The following KCNH2 variants were observed in gnomAD, a reference collection of about 807,000 sequenced individuals.
KCNH2 encodes the protein voltage-gated inwardly rectifying potassium channel KCNH2.
In KCNH2, 35 loss-of-function variants were observed where a neutral mutation model predicts 95.9. The ratio of observed to expected loss-of-function variants is 0.37; its 90% CI spans 0.28 to 0.48. The LOEUF (loss-of-function observed/expected upper bound fraction) is 0.48, where lower values mean the gene tolerates loss of function less well. Among genes scored for constraint, KCNH2 ranks in the 20% least tolerant of loss-of-function variants. The pLI is 0.99. For missense variants in KCNH2, 1,274 were observed against 1,702.9 expected, an observed-to-expected ratio of 0.75 and a Z score of 4.43; for synonymous variants, 786 against 754.7, an observed-to-expected ratio of 1.04 and a Z score of -0.68.
At chr7:150,968,198 C>T (rs763585483) in intron 2 of KCNH2, among the ~76,000 whole-genome samples, 2 of 152,342 alleles carry the variant, frequency 1.3e-5, no homozygotes, top group Non-Finnish European at 2.9e-5. Flanking sequence ...ACAGGCATGG[C>T]AGTACTTAGT....
chr7:150,966,688 A>C (rs1273241683), intron 2 of KCNH2, among the ~76,000 whole-genome samples: 2 of 152,208 alleles, frequency 1.3e-5, no homozygotes, highest in Non-Finnish European at 2.9e-5. Context: ...CAATTAGGAA[A>C]CATAGTCAAA....
rs960980548 is a variant in KCNH2, at chr7:150,961,226, G to A, written c.308-1490C>T. Among the ~76,000 whole-genome samples, 3 of 152,092 alleles carry A rather than the reference G, an allele frequency of 2.0e-5. No homozygotes were observed. The highest frequency in any genetic ancestry group is 2.4e-5 in the African/African-American group (1 of 41,404). On this transcript the variant is annotated intron_variant, in intron 2 of 14. Coordinates refer to ENST00000262186, the MANE Select transcript of KCNH2 (RefSeq NM_000238.4). The surrounding 1 kb of genome is among the most constrained non-coding windows in gnomAD (Gnocchi z 6.2). ...GACAGGCCATGCTGACAGGGAGGCTGCAGGCATGGGGGAGAGGCAAGGGTG... is the reference window on the plus strand; with the variant it reads ...GACAGGCCATGCTGACAGGGAGGCTACAGGCATGGGGGAGAGGCAAGGGTG...
intron 5 of KCNH2, 41 bp downstream of exon 5, chr7:150,957,250 T>A: frequency 6.7e-7 from 1 of 1,498,884 alleles, no homozygotes; most frequent in Non-Finnish European, 9.1e-7. Context: ...CTCTCCAAGC[T>A]CCTCCAAGGT....
intron 13 of KCNH2, 100 bp downstream of exon 13, chr7:150,947,228 C>T: frequency 8.5e-7 from 1 of 1,177,128 alleles, no homozygotes; most frequent in Non-Finnish European, 1.2e-6. Flanking sequence ...GATCCAGCTG[C>T]TGCACACACA....
In KCNH2 at chr7:150,954,724, C is replaced by T. The variant is rs1041002781; in HGVS notation, c.1129-1871G>A. 5.9e-5 allele frequency among the ~76,000 whole-genome samples: 9 copies of T among 152,336 alleles called. No individual in the cohort carries two copies. In the South Asian group the frequency reaches 1.2e-3, roughly 21 times the overall value. ...TGGGGGCAGGGATGGGATTCCCAGA[C>T]TTAGCCCTGAGCCACCTCCCACTCC... On this transcript the variant is annotated intron_variant, in intron 5 of 14. Coordinates refer to ENST00000262186, the MANE Select transcript of KCNH2 (RefSeq NM_000238.4).
chr7:150,950,157 C>A lies in KCNH2; in HGVS notation c.2398+11G>T. The A allele has an allele frequency of 5.2e-6, 4 of 768,430 alleles. No individual in the cohort carries two copies. Among genetic ancestry groups the A allele is most frequent in the South Asian group, 2.7e-5 (2 of 74,240 alleles). The allele number at this position is 768,430 out of a possible 1,614,324, so 47.6% of individuals were successfully genotyped here. On this transcript the variant is annotated intron_variant, in intron 9 of 14. Coordinates refer to ENST00000262186, the MANE Select transcript of KCNH2 (RefSeq NM_000238.4). ...GCATTTCCAGTCCAGTGCCCGCCCC[C>A]CACCCCATACCCAGGATGGCCACGA... is the stretch of plus-strand genomic sequence containing the variant.
intron 3 of KCNH2, 53 bp downstream of exon 3, chr7:150,959,519 C>G (rs1445836569): frequency 1.2e-6 from 2 of 1,603,378 alleles, no homozygotes; most frequent in African/African-American, 2.7e-5. Flanking sequence ...CTCACAGCCC[C>G]AAAGAAATGA....
At chr7:150,975,676 A>G (rs1197613386) in intron 1 of KCNH2, among the ~76,000 whole-genome samples, 1 of 152,238 alleles carries the variant, frequency 6.6e-6, no homozygotes, top group Non-Finnish European at 1.5e-5. Context: ...GCTCCAGAGA[A>G]GTTCGGCACC....
At chr7:150,970,797 CCT>C (rs1358822442) in intron 2 of KCNH2, among the ~76,000 whole-genome samples, 1 of 152,188 alleles carries the variant, frequency 6.6e-6, no homozygotes, top group African/African-American at 2.4e-5. Flanking sequence ...AGGGCGCTCC[CCT>C]GATAGCTTCA....
In KCNH2 at chr7:150,962,591, A is replaced by G. The variant is rs1196205265; in HGVS notation, c.308-2855T>C. On this transcript the variant is annotated intron_variant, in intron 2 of 14. Coordinates refer to ENST00000262186, the MANE Select transcript of KCNH2 (RefSeq NM_000238.4). This position sits in a 1 kb window ranked among gnomAD's most constrained non-coding sequence, Gnocchi z 5.7. ...TAGGTATACGCCACCTCACAGCACA[A>G]GCCTGTAACTCACACTTACACACAC... Among the ~76,000 whole-genome samples, 1 of 150,904 alleles carries G rather than the reference A, an allele frequency of 6.6e-6. No homozygotes were observed. The highest frequency in any genetic ancestry group is 1.5e-5 in the Non-Finnish European group (1 of 67,894).
In KCNH2 at chr7:150,947,478, C is replaced by A. The variant is rs794728401; in HGVS notation, c.3002G>T (p.Trp1001Leu). Residue 1001 changes from tryptophan (W) to leucine (L), a missense_variant, in exon 13 of 15, where the codon TGG (tryptophan) becomes TTG (leucine). This residue lies in a region of KCNH2 where 457 missense variants were observed against 416.1 expected (regional missense o/e 1.10). Coordinates refer to ENST00000262186, the MANE Select transcript of KCNH2 (RefSeq NM_000238.4). ...GTACTGGCGGCCCCGACTGTCCCCC[C>A]AGAAGCTGAAAATGTTGGACACTCC... ...FSGVSNIFSF[W>L]GDSRGRQYQE... The A allele has an allele frequency of 1.9e-6, 3 of 1,580,578 alleles. No homozygotes were observed. The highest frequency in any genetic ancestry group is 2.6e-6 in the Non-Finnish European group (3 of 1,164,322).
At chr7:150,956,146 C>T (rs938477771) in intron 5 of KCNH2, among the ~76,000 whole-genome samples, 12 of 152,100 alleles carry the variant, frequency 7.9e-5, no homozygotes, top group Admixed American at 4.6e-4. Context: ...ACAGACCCAC[C>T]GCAACTCACG....
intron 2 of KCNH2, among the ~76,000 whole-genome samples, chr7:150,971,653 G>T (rs1198459602): frequency 6.6e-6 from 1 of 151,838 alleles, no homozygotes; most frequent in Non-Finnish European, 1.5e-5. Context: ...GGCGAGGGAA[G>T]AAGACAGGAG....
In KCNH2 at chr7:150,950,261, G is replaced by A; in HGVS notation, c.2305C>T (p.Leu769=). 6.2e-7 allele frequency: 1 copy of A among 1,613,798 alleles called. No individual in the cohort carries two copies. The highest frequency in any genetic ancestry group is 8.5e-7 in the Non-Finnish European group (1 of 1,179,910). Residue 769 remains leucine, a synonymous_variant, in exon 9 of 15, where the codon CTG becomes TTG. Transcript: ENST00000262186. ...GTGAGCAGGTCCCCAGCATGCACCA[G>A]TGTGTCCCCTGGCGGTGCATGTGTG... The part of the protein sequence containing the change: ...KTTHAPPGDT[L]VHAGDLLTAL...
rs769814960 is a variant in KCNH2 at position 150,952,804 on chromosome 7, G to C, written c.1178C>G (p.Pro393Arg). Residue 393 changes from proline (P) to arginine (R), a missense_variant, in exon 6 of 15, where the codon CCG (proline) becomes CGG (arginine). By Grantham distance (103) the Pro-to-Arg change is moderately radical (BLOSUM62 -2). Around this residue, in one of 7 missense-constraint regions of KCNH2, gnomAD observed 392 missense variants for 429.9 expected, o/e 0.91. Transcript: ENST00000262186. This position sits in a 1 kb window ranked among gnomAD's most constrained non-coding sequence, Gnocchi z 7.3. ...DVLPEYKLQA[P>R]RIHRWTILHY... ...CAGGATGGTCCAGCGGTGGATGCGCGGTGCCTGCAGCTTGTACTCAGGCAG... is the reference window on the plus strand; with the variant it reads ...CAGGATGGTCCAGCGGTGGATGCGCCGTGCCTGCAGCTTGTACTCAGGCAG... 2 of 1,613,912 alleles carry C rather than the reference G, an allele frequency of 1.2e-6. No individual in the cohort carries two copies. The highest frequency in any genetic ancestry group is 1.1e-5 in the South Asian group (1 of 91,084).
At position 150,978,279 on chromosome 7, in the gene KCNH2, G is replaced by A. The variant is rs1350845189; in HGVS notation, c.-366C>T. The stretch of plus-strand genomic sequence containing the variant: ...CGCCGACAGCCGCTCCAGCGCCCGC[G>A]GCTCGGGCAGCGCCTGCGGCTCGGC... On this transcript the variant is annotated 5_prime_UTR_variant, in exon 1 of 15. Transcript: ENST00000262186. The A allele has an allele frequency of 6.9e-6, 1 of 145,818 alleles. No individual in the cohort carries two copies. Among genetic ancestry groups the A allele is most frequent in the Non-Finnish European group, 1.5e-5 (1 of 65,572 alleles). The allele number at this position is 145,818 out of a possible 1,614,324, so 9.0% of individuals were successfully genotyped here.
rs1016594731 is a variant in KCNH2, at chr7:150,952,011, A to T, written c.1558-176T>A. Among the ~76,000 whole-genome samples, 1 of 152,178 alleles carries T rather than the reference A, an allele frequency of 6.6e-6. No homozygotes were observed. Among genetic ancestry groups the T allele is most frequent in the Admixed American group, 6.5e-5 (1 of 15,286 alleles). Reference sequence around the variant, plus strand: ...CCAGCACAGGTGTCTCATTAATCTTAGTGCTAGCTTTGGGACAGAGGCAGC... The same window carrying T: ...CCAGCACAGGTGTCTCATTAATCTTTGTGCTAGCTTTGGGACAGAGGCAGC... On this transcript the variant is annotated intron_variant, in intron 6 of 14. Transcript: ENST00000262186. The surrounding 1 kb of genome is among the most constrained non-coding windows in gnomAD (Gnocchi z 7.3).
intron 13 of KCNH2, 116 bp from the exon 14 acceptor site, chr7:150,947,170 G>A (rs1051229135): frequency 3.9e-5 from 44 of 1,119,496 alleles, no homozygotes; most frequent in Middle Eastern, 6.0e-4. Context: ...CAGGCCCTCC[G>A]CGCTAGAGGT....
rs141401803 is a variant in KCNH2 at position 150,947,711 on chromosome 7, G to A, written c.2860C>T (p.Arg954Cys). ...EGPGRSSSPL[R>C]LVPFSSPRPP... ...CTGGGGCTGGAGAAGGGCACCAGGC[G>A]GAGGGGGCTGGAGCTGCGGCCTGGG... Residue 954 changes from arginine to cysteine, a missense_variant, in exon 12 of 15, where the codon CGC (arginine) becomes TGC (cysteine). By Grantham distance (180) the Arg-to-Cys change is radical. Around this residue, in one of 7 missense-constraint regions of KCNH2, gnomAD observed 457 missense variants for 416.1 expected, o/e 1.10. Transcript: ENST00000262186. 4.7e-5 allele frequency: 74 copies of A among 1,580,214 alleles called. No individual in the cohort carries two copies. The highest frequency in any genetic ancestry group is 5.7e-5 in the Non-Finnish European group (67 of 1,165,368).
Sources: gnomAD v4.1 joint callset for allele counts (sites outside exome capture counted in the v4.1 genomes callset) on GRCh38, gnomAD v4.1.1 for gene constraint, gnomAD v4.1.1 regional missense constraint, Gnocchi (gnomAD v3.1) non-coding constraint, MANE v1.5 for transcripts, NCBI Gene and HGNC (gene_info 2026-07-23, HGNC 2026-07-21) for gene names.